COPZ2: variants seen among roughly 807,000 people sequenced by gnomAD.
The protein encoded by COPZ2 is coat protein complex I subunit zeta 2, also known as coatomer subunit zeta-2.
Under a neutral mutation model 33.2 loss-of-function variants are expected in COPZ2, and 30 were observed. That is an observed-to-expected ratio of 0.90 (90% confidence interval 0.68 to 1.23). The LOEUF (loss-of-function observed/expected upper bound fraction) is 1.23, where lower values mean the gene tolerates loss of function less well. Among genes scored for constraint, COPZ2 ranks in the 50% most tolerant of loss-of-function variants. COPZ2 has a pLI of 0.00. For synonymous variants in COPZ2, 89 were observed against 102.6 expected, an observed-to-expected ratio of 0.87 and a Z score of 0.80; for missense variants, 263 against 262.4, an observed-to-expected ratio of 1.00 and a Z score of -0.02.
At chr17:48,042,836 G>T (rs560344616), upstream of COPZ2, among the ~76,000 whole-genome samples, 129 of 152,304 alleles carry the variant, frequency 8.5e-4, 3 homozygotes, top group Non-Finnish European at 2.2e-4. Context: ...TCAAGGACAA[G>T]ATTCTCCCCA....
chr17:48,042,496 C>T (rs556243960), upstream of COPZ2, among the ~76,000 whole-genome samples: 1 of 147,538 alleles, frequency 6.8e-6, no homozygotes, highest in African/African-American at 2.5e-5. Flanking sequence ...GAGTCTCACT[C>T]TGTCGCCCAG....
the COPZ2 span, chr17:48,047,631 C>CACCGCCAACGT: frequency 7.7e-6 from 1 of 129,166 alleles, no homozygotes; most frequent in Non-Finnish European, 1.8e-5. Flanking sequence ...ACACCTCTCA[C>CACCGCCAACGT]ACCGCCAACG....
intron 2 of COPZ2, among the ~76,000 whole-genome samples, chr17:48,034,855 G>A (rs934677099): frequency 2.6e-5 from 4 of 152,078 alleles, no homozygotes; most frequent in Non-Finnish European, 4.4e-5. Context: ...GCATGGTGGC[G>A]GGTGCCTGTA....
rs2037004680 is a variant in COPZ2 at position 48,037,366 on chromosome 17, GGGAGCC to G, written c.111+295_111+300del. Reference sequence around the variant, plus strand: ...AGCATGCCCATCACCCACCGGTGATGGGAGCCGAGTCTGGGACGGACAGGCCACTCC... The same window carrying G: ...AGCATGCCCATCACCCACCGGTGATGGAGTCTGGGACGGACAGGCCACTCC... On this transcript the variant is annotated intron_variant, in intron 1 of 8. Coordinates refer to ENST00000621465, the MANE Select transcript of COPZ2 (RefSeq NM_016429.4). This position sits in a 1 kb window ranked among gnomAD's most constrained non-coding sequence, Gnocchi z 5.6. The G allele has an allele frequency of 5.8e-6, 2 of 342,636 alleles. No homozygotes were observed. Among genetic ancestry groups the G allele is most frequent in the Non-Finnish European group, 1.1e-5 (2 of 177,562 alleles). The allele number at this position is 342,636 out of a possible 1,614,324, so 21.2% of individuals were successfully genotyped here. A position where few individuals can be genotyped will look rare whatever the true frequency, so the allele number is the denominator to read the frequency against.
At chr17:48,048,002 G>A in the COPZ2 span, 1 of 152,372 alleles carries the variant, frequency 6.6e-6, no homozygotes, top group African/African-American at 2.4e-5. Flanking sequence ...GCCACAGAAA[G>A]CGCTGGAAGC....
upstream of COPZ2, among the ~76,000 whole-genome samples, chr17:48,040,739 A>G (rs2037053865): frequency 6.6e-6 from 1 of 151,928 alleles, no homozygotes; most frequent in Non-Finnish European, 1.5e-5. Context: ...CCGATGACAG[A>G]TATTTAATAA....
chr17:48,038,707 A>G (rs1225090214), upstream of COPZ2, among the ~76,000 whole-genome samples: 1 of 152,174 alleles, frequency 6.6e-6, no homozygotes, highest in African/African-American at 2.4e-5. Flanking sequence ...TAGAACCCAG[A>G]TTTTTGACTC....
chr17:48,042,985 G>C (rs1251863463), upstream of COPZ2, among the ~76,000 whole-genome samples: 2 of 152,230 alleles, frequency 1.3e-5, no homozygotes, highest in East Asian at 3.8e-4. Context: ...GTCCAGTATT[G>C]GGACAGTGTC....
Position 48,028,385 on chromosome 17 carries a change from C to G in COPZ2, c.585+87G>C. 2 of 1,335,204 alleles carry G rather than the reference C, an allele frequency of 1.5e-6. No homozygotes were observed. Among genetic ancestry groups the G allele is most frequent in the Non-Finnish European group, 2.0e-6 (2 of 977,356 alleles). 82.7% of individuals were successfully genotyped at this position (1,335,204 alleles called of 1,614,324 possible). ...TGATTTTTCAGACTTGATAACTTCA[C>G]TGGGTCCCCCTAGGATGCTCTAGGA... On this transcript the variant is annotated intron_variant, in intron 8 of 8. Coordinates refer to ENST00000621465, the MANE Select transcript of COPZ2 (RefSeq NM_016429.4). This position sits in a 1 kb window ranked among gnomAD's most constrained non-coding sequence, Gnocchi z 4.5.
upstream of COPZ2, among the ~76,000 whole-genome samples, chr17:48,038,713 G>T (rs775158810): frequency 6.6e-6 from 1 of 152,086 alleles, no homozygotes; most frequent in African/African-American, 2.4e-5. Context: ...CCAGATTTTT[G>T]ACTCAAAATT....
intron 5 of COPZ2, 76 bp from the exon 6 acceptor site, chr17:48,032,309 C>A: frequency 7.8e-7 from 1 of 1,281,706 alleles, no homozygotes. Flanking sequence ...AGGCTGACCC[C>A]ACTCTCCAAA....
At position 48,032,679 on chromosome 17, in the gene COPZ2, C is replaced by T. The variant is rs1460107086; in HGVS notation, c.416+7G>A. The T allele has an allele frequency of 1.5e-5, 23 of 1,584,132 alleles. No homozygotes were observed. The highest frequency in any genetic ancestry group is 1.8e-5 in the Non-Finnish European group (21 of 1,164,888). ...TGGGGCCTCGGAGGGCAGAGAACCT[C>T]ACTCACCTTAACATGTGGTTCAGAG... On this transcript the variant is annotated splice_region_variant and intron_variant, in intron 5 of 8. Coordinates refer to ENST00000621465, the MANE Select transcript of COPZ2 (RefSeq NM_016429.4).
At chr17:48,039,243 G>A (rs2037036809), upstream of COPZ2, among the ~76,000 whole-genome samples, 1 of 152,022 alleles carries the variant, frequency 6.6e-6, no homozygotes, top group African/African-American at 2.4e-5. Context: ...GGCTGAGGTG[G>A]GCAGAAGGCT....
At chr17:48,044,403 CTTTTTTTTTTTTT>C in the COPZ2 span, among the ~76,000 whole-genome samples, 4 of 101,770 alleles carry the variant, frequency 3.9e-5, no homozygotes, top group African/African-American at 1.3e-4. Flanking sequence ...CAATCTTTTG[CTTTTTTTTTTTTT>C]TTTTTTTTTT....
chr17:48,047,580 C>T, the COPZ2 span: 1 of 152,144 alleles, frequency 6.6e-6, no homozygotes, highest in African/African-American at 2.4e-5. Flanking sequence ...GAGGGGGGTC[C>T]TTTGGGCTGT....
intron 6 of COPZ2, among the ~76,000 whole-genome samples, chr17:48,029,669 CT>C (rs56033361): frequency 0.51 from 74,871 of 147,146 alleles, 19,397 homozygotes; most frequent in East Asian, 0.71. Flanking sequence ...TACTTCCTCC[CT>C]TTTTTTTTTT....
At chr17:48,031,181 G>A (rs1166796573) in intron 6 of COPZ2, among the ~76,000 whole-genome samples, 1 of 152,180 alleles carries the variant, frequency 6.6e-6, no homozygotes, top group Non-Finnish European at 1.5e-5. Flanking sequence ...GGCCGGGGAT[G>A]GTGGCTCACA....
chr17:48,033,326 T>A, intron 3 of COPZ2, 24 bp from the exon 4 acceptor site: 1 of 1,473,198 alleles, frequency 6.8e-7, no homozygotes, highest in South Asian at 1.2e-5. Flanking sequence ...GAGCTTTCAG[T>A]CCTGGCCACC....
At chr17:48,048,028 T>C in the COPZ2 span, 1 of 152,428 alleles carries the variant, frequency 6.6e-6, no homozygotes, top group South Asian at 2.1e-4. Flanking sequence ...ACCTGGATAC[T>C]TCACCCAACG....
Sources: allele counts gnomAD v4.1 joint callset (sites outside exome capture counted in the v4.1 genomes callset), GRCh38; gene constraint gnomAD v4.1.1; non-coding constraint Gnocchi (gnomAD v3.1); transcripts MANE v1.5; gene names NCBI Gene and HGNC (gene_info 2026-07-23, HGNC 2026-07-21).